SYS1: variants seen among roughly 807,000 people sequenced by gnomAD.
SYS1 encodes the protein protein SYS1 homolog.
In SYS1, 8 loss-of-function variants were observed where a neutral mutation model predicts 17.8. That is an observed-to-expected ratio of 0.45 (90% confidence interval 0.26 to 0.81). The LOEUF is 0.81. Ranked by LOEUF, SYS1 falls within the 40% of genes least tolerant of loss-of-function variation. SYS1 has a pLI of 0.16. For missense variants in SYS1, 161 were observed against 203.9 expected (o/e 0.79, Z 1.28); for synonymous variants, 95 against 90.9 (o/e 1.05, Z -0.26).
chr20:45,370,856 G>T (rs1221851452), downstream of SYS1, among the ~76,000 whole-genome samples: 1 of 152,150 alleles, frequency 6.6e-6, no homozygotes, highest in Non-Finnish European at 1.5e-5. Context: ...ACTCCTCTGT[G>T]GAGAGATTAA....
At chr20:45,374,933 C>T in exon 4 of SYS1, 3 of 1,466,128 alleles carry the variant, frequency 2.0e-6, no homozygotes, top group Non-Finnish European at 1.8e-6. Flanking sequence ...ACCAGCCACA[C>T]ACCACTCAAG....
In SYS1 at chr20:45,368,362, AT is replaced by A. The variant is rs1041354132; in HGVS notation, c.*1250del. 6.1e-6 allele frequency: 6 copies of A among 985,224 alleles called. No homozygotes were observed. The highest frequency in any genetic ancestry group is 7.2e-6 in the Non-Finnish European group (6 of 829,944). 61.0% of individuals were successfully genotyped at this position (985,224 alleles called of 1,614,324 possible). A position where few individuals can be genotyped will look rare whatever the true frequency, so the allele number is the denominator to read the frequency against. On this transcript the variant is annotated 3_prime_UTR_variant, in exon 4 of 4. Transcript: ENST00000243918. ...GGGTTTCCGTTCCTACTTGCTAGTG[AT>A]TTCTGAACATGTTCAATGGAGCGGC... is the stretch of plus-strand genomic sequence containing the variant.
chr20:45,368,964 G>C lies in SYS1; in HGVS notation c.*1849G>C, dbSNP rs1176449863. 1 of 831,364 alleles carries C rather than the reference G, an allele frequency of 1.2e-6. No individual in the cohort carries two copies. The highest frequency in any genetic ancestry group is 1.8e-5 in the African/African-American group (1 of 54,318). 51.5% of individuals were successfully genotyped at this position (831,364 alleles called of 1,614,324 possible). A position where few individuals can be genotyped will look rare whatever the true frequency, so the allele number is the denominator to read the frequency against. On this transcript the variant is annotated 3_prime_UTR_variant, in exon 4 of 4. Transcript: ENST00000243918. ...ATATCTTCTGTGATGACAAATCTCT[G>C]TCCCCTGAGTGTTAATTTGATTTTT...
At chr20:45,369,876 C>T (rs974411030), downstream of SYS1, among the ~76,000 whole-genome samples, 18 of 151,962 alleles carry the variant, frequency 1.2e-4, no homozygotes, top group South Asian at 8.3e-4. Flanking sequence ...GCCTCGGCCT[C>T]CCAAAGTGCT....
chr20:45,367,857 C>T lies in SYS1; in HGVS notation c.*742C>T. 7.1e-6 allele frequency: 7 copies of T among 985,888 alleles called. No individual in the cohort carries two copies. The highest frequency in any genetic ancestry group is 8.4e-6 in the Non-Finnish European group (7 of 829,948). 61.1% of individuals were successfully genotyped at this position (985,888 alleles called of 1,614,324 possible). On this transcript the variant is annotated 3_prime_UTR_variant, in exon 4 of 4. Coordinates refer to ENST00000243918, the MANE Select transcript of SYS1 (RefSeq NM_033542.4). ...TCAAAGTCTAACCATCATAAAGACA[C>T]TGCCTGTCTTCTAGGAATGACCAGG...
chr20:45,369,774 G>GTATTTT (rs1473098857), downstream of SYS1, among the ~76,000 whole-genome samples: 3 of 150,658 alleles, frequency 2.0e-5, no homozygotes, highest in East Asian at 1.9e-4. Flanking sequence ...GCTAATTTTT[G>GTATTTT]TATTTTTATT....
chr20:45,366,274 T>G (rs1988411146), intron 3 of SYS1, among the ~76,000 whole-genome samples: 2 of 152,206 alleles, frequency 1.3e-5, no homozygotes, highest in African/African-American at 4.8e-5. Context: ...CTCATAGTTG[T>G]AAGGATTAAA....
intron 2 of SYS1, 129 bp from the exon 3 acceptor site, chr20:45,365,490 G>A (rs1478144930): frequency 1.3e-5 from 11 of 878,482 alleles, no homozygotes; most frequent in Admixed American, 5.1e-5. Context: ...ATAGGCTGCC[G>A]TACAGATGTA....
At chr20:45,373,916 G>T, downstream of SYS1, 1 of 1,613,848 alleles carries the variant, frequency 6.2e-7, no homozygotes, top group Non-Finnish European at 8.5e-7. Context: ...CTTATTTGTA[G>T]ACTCGTGAAT....
downstream of SYS1, among the ~76,000 whole-genome samples, chr20:45,371,186 G>A (rs1308710899): frequency 6.6e-6 from 1 of 152,036 alleles, no homozygotes; most frequent in Non-Finnish European, 1.5e-5. Flanking sequence ...TTGTTTTCTG[G>A]TAGGTCAACA....
intron 3 of SYS1, chr20:45,365,986 G>T (rs1398324915): frequency 9.4e-6 from 4 of 423,550 alleles, no homozygotes; most frequent in African/African-American, 6.1e-5. Flanking sequence ...GGAGAACTGG[G>T]TTCTGTTCTT....
rs543597098 is a variant in SYS1 at position 45,364,717 on chromosome 20, T to C, written c.163-902T>C. On this transcript the variant is annotated intron_variant, in intron 2 of 3. Transcript: ENST00000243918. ...CGATCTCCTGACCTCGTGATCCGCC[T>C]GCCTCGGCCTCCCAAAGTGCTGGGA... Among the ~76,000 whole-genome samples the C allele has an allele frequency of 8.8e-3, 1,346 of 152,126 alleles. 5 individuals are homozygous for C. Among genetic ancestry groups the C allele is most frequent in the African/African-American group, 0.014 (568 of 41,506 alleles).
At chr20:45,373,634 A>C (rs1988623752), downstream of SYS1, 1 of 469,910 alleles carries the variant, frequency 2.1e-6, no homozygotes, top group Non-Finnish European at 3.9e-6. Flanking sequence ...TCGCGGGGCG[A>C]TTGTGAGGCA....
At position 45,366,898 on chromosome 20, in the gene SYS1, T is replaced by G. The variant is rs1356892662; in HGVS notation, c.254T>G (p.Ile85Ser). The G allele has an allele frequency of 6.2e-7, 1 of 1,614,078 alleles. No homozygotes were observed. The highest frequency in any genetic ancestry group is 8.5e-7 in the Non-Finnish European group (1 of 1,180,046). Residue 85 changes from isoleucine to serine, a missense_variant, in exon 4 of 4, where the codon ATC (isoleucine) becomes AGC (serine). Ile to Ser is a moderately radical substitution (Grantham distance 142). Transcript: ENST00000243918. ...AGTGCCCTGGGCTTGCTGTACTTCA[T>G]CCGGCGAGGAAAGCAGTGTCTGGAT... is the stretch of plus-strand genomic sequence containing the variant. ...LTCALGLLYF[I>S]RRGKQCLDFT...
chr20:45,365,182 G>A (rs551512969), intron 2 of SYS1: 2 of 287,862 alleles, frequency 6.9e-6, no homozygotes, highest in Non-Finnish European at 1.4e-5. Flanking sequence ...AGGATTTTAG[G>A]TCACAATTAT....
intron 2 of SYS1, 65 bp downstream of exon 2, chr20:45,363,758 C>G: frequency 6.7e-7 from 1 of 1,500,002 alleles, no homozygotes. Context: ...TGGTCCATCA[C>G]TACTGTGCTG....
chr20:45,366,794 C>T (rs542769983), intron 3 of SYS1, 81 bp from the exon 4 acceptor site: 17 of 1,146,186 alleles, frequency 1.5e-5, no homozygotes, highest in East Asian at 7.0e-5. Flanking sequence ...ACTATGCTGC[C>T]GTCCTAATTG....
upstream of SYS1, chr20:45,363,027 C>T (rs1301809433): frequency 3.5e-6 from 3 of 858,256 alleles, no homozygotes; most frequent in South Asian, 5.2e-5. Context: ...TTCACTCTTC[C>T]TTCTGCGCAT....
At position 45,368,923 on chromosome 20, in the gene SYS1, G is replaced by C; in HGVS notation, c.*1808G>C. Reference sequence around the variant, plus strand: ...TCTTTGGGATTCACTTCAAGGTCTTGTGCCTATTTTTCTGCATATCTTCTG... The same window carrying C: ...TCTTTGGGATTCACTTCAAGGTCTTCTGCCTATTTTTCTGCATATCTTCTG... On this transcript the variant is annotated 3_prime_UTR_variant, in exon 4 of 4. Transcript: ENST00000243918. The C allele has an allele frequency of 2.1e-6, 2 of 968,642 alleles. No individual in the cohort carries two copies. Among genetic ancestry groups the C allele is most frequent in the Non-Finnish European group, 2.5e-6 (2 of 814,612 alleles). The allele number at this position is 968,642 out of a possible 1,614,324, so 60.0% of individuals were successfully genotyped here.
Sources: gnomAD v4.1 joint callset for allele counts (sites outside exome capture counted in the v4.1 genomes callset) on GRCh38, gnomAD v4.1.1 for gene constraint, MANE v1.5 for transcripts, NCBI Gene and HGNC (gene_info 2026-07-23, HGNC 2026-07-21) for gene names.